CNTN3: variants seen among roughly 807,000 people sequenced by gnomAD.
CNTN3 encodes contactin 3.
Under a neutral mutation model 119.1 loss-of-function variants are expected in CNTN3, and 60 were observed. That is an observed-to-expected ratio of 0.50 (90% CI 0.41 to 0.62). The LOEUF (loss-of-function observed/expected upper bound fraction) is 0.62, where lower values mean the gene tolerates loss of function less well. Among genes scored for constraint, CNTN3 ranks in the 20% least tolerant of loss-of-function variants. The pLI is 0.00. For synonymous variants in CNTN3, 450 were observed against 438.7 expected (o/e 1.03, Z -0.32); for missense variants, 1,101 against 1,242.4 (o/e 0.89, Z 1.71).
intron 11 of CNTN3, among the ~76,000 whole-genome samples, chr3:74,354,339 T>G (rs1703884826): frequency 6.6e-6 from 1 of 152,184 alleles, no homozygotes; most frequent in East Asian, 1.9e-4. Flanking sequence ...AAATGAAGGA[T>G]CCCATTTAAA....
chr3:74,463,833 T>TA (rs1188823705), intron 4 of CNTN3, among the ~76,000 whole-genome samples: 1 of 152,200 alleles, frequency 6.6e-6, no homozygotes, highest in Non-Finnish European at 1.5e-5. Flanking sequence ...CCAGCAGCTT[T>TA]AAATCAATTC....
chr3:74,333,288 G>A (rs1703310128), intron 13 of CNTN3, among the ~76,000 whole-genome samples: 1 of 152,204 alleles, frequency 6.6e-6, no homozygotes, highest in Admixed American at 6.5e-5. Context: ...CCGTAAGGCA[G>A]TACCAAAAAC....
intron 1 of CNTN3, among the ~76,000 whole-genome samples, chr3:74,535,367 G>A (rs1442727691): frequency 6.6e-6 from 1 of 152,096 alleles, no homozygotes; most frequent in African/African-American, 2.4e-5. Flanking sequence ...ATCAACTTCA[G>A]CTGAGGAAAG....
intron 8 of CNTN3, among the ~76,000 whole-genome samples, chr3:74,367,133 A>C (rs909022957): frequency 6.6e-6 from 1 of 151,950 alleles, no homozygotes; most frequent in Admixed American, 6.6e-5. Flanking sequence ...TTTTACATGA[A>C]ATATTAGAGC....
intron 4 of CNTN3, among the ~76,000 whole-genome samples, chr3:74,448,719 C>T (rs1702092526): frequency 6.6e-6 from 1 of 152,080 alleles, no homozygotes; most frequent in South Asian, 2.1e-4. Context: ...AGTATCAGCT[C>T]AAACAAAAAG....
At chr3:74,523,402 A>G (rs1248218610) in intron 1 of CNTN3, among the ~76,000 whole-genome samples, 1 of 151,920 alleles carries the variant, frequency 6.6e-6, no homozygotes. Flanking sequence ...AGATACATTA[A>G]TCTGATACAT....
At chr3:74,520,604 T>TA (rs577450677) in intron 2 of CNTN3, among the ~76,000 whole-genome samples, 1 of 151,418 alleles carries the variant, frequency 6.6e-6, no homozygotes, top group Non-Finnish European at 1.5e-5. Flanking sequence ...TTTCCAAAAT[T>TA]AAAAAATAAA....
At chr3:74,345,281 AC>A (rs765745466) in intron 11 of CNTN3, among the ~76,000 whole-genome samples, 1 of 152,146 alleles carries the variant, frequency 6.6e-6, no homozygotes, top group Non-Finnish European at 1.5e-5. Flanking sequence ...TTTATCACCA[AC>A]TAGTCAAGCG....
intron 3 of CNTN3, among the ~76,000 whole-genome samples, chr3:74,497,187 G>A (rs1217139233): frequency 1.3e-5 from 2 of 151,586 alleles, no homozygotes; most frequent in Non-Finnish European, 2.9e-5. Flanking sequence ...TTATGTCCTC[G>A]ATGTCATTAT....
chr3:74,601,036 A>G (rs1247513632), intron 1 of CNTN3, among the ~76,000 whole-genome samples: 1 of 150,386 alleles, frequency 6.6e-6, no homozygotes, highest in African/African-American at 2.4e-5. Context: ...AAACATATGT[A>G]TATCATATAT....
In CNTN3 at chr3:74,410,843, C is replaced by G. The variant is rs967682615; in HGVS notation, c.454+14002G>C. 2.6e-5 allele frequency among the ~76,000 whole-genome samples: 4 copies of G among 152,174 alleles called. No individual in the cohort carries two copies. In the East Asian group the frequency reaches 7.7e-4, roughly 29 times the overall value. ...ACATAATTAACTGAATTTACAAATG[C>G]CAGAAGTACATTAACTAGTGAAAGC... On this transcript the variant is annotated intron_variant, in intron 5 of 22. Transcript: ENST00000263665.
At chr3:74,365,496 C>A in intron 9 of CNTN3, 70 bp downstream of exon 9, 1 of 1,592,224 alleles carries the variant, frequency 6.3e-7, no homozygotes, top group Non-Finnish European at 8.6e-7. Context: ...AAAGCATTTG[C>A]TAAACACCAA....
chr3:74,363,505 G>T (rs1575661423), intron 10 of CNTN3, among the ~76,000 whole-genome samples: 1 of 152,172 alleles, frequency 6.6e-6, no homozygotes, highest in East Asian at 1.9e-4. Context: ...GGGCAAAATT[G>T]TCCCTGGTTG....
At chr3:74,452,594 A>G (rs1208420693) in intron 4 of CNTN3, among the ~76,000 whole-genome samples, 1 of 112,770 alleles carries the variant, frequency 8.9e-6, no homozygotes, top group South Asian at 2.6e-4. Context: ...GTCTTCTGCC[A>G]GTTTTCAAAG....
chr3:74,301,522 C>T lies in CNTN3; in HGVS notation c.1971G>A (p.Thr657=), dbSNP rs111626135. 159 of 1,613,950 alleles carry T rather than the reference C, an allele frequency of 9.9e-5. No individual in the cohort carries two copies. The African/African-American group carries it at 1.3e-3, about 14-fold the overall frequency. ...TTVPEVIDGK[T]HTATVVELNP... ...TTAACTCAACTACAGTGGCTGTGTGCGTCTTCCCATCGATGACCTCAGGCA... is the reference window on the plus strand; with the variant it reads ...TTAACTCAACTACAGTGGCTGTGTGTGTCTTCCCATCGATGACCTCAGGCA... The change falls in exon 16 of 23, where the codon ACG becomes ACA. Residue 657 remains threonine, a synonymous_variant. Transcript: ENST00000263665.
intron 4 of CNTN3, among the ~76,000 whole-genome samples, chr3:74,479,549 G>A (rs62268673): frequency 1.8e-4 from 28 of 152,188 alleles, no homozygotes; most frequent in Non-Finnish European, 3.1e-4. Context: ...GATTGAGTAT[G>A]CCAGCATACT....
At chr3:74,473,026 T>C (rs1702592798) in intron 4 of CNTN3, among the ~76,000 whole-genome samples, 2 of 151,822 alleles carry the variant, frequency 1.3e-5, no homozygotes, top group South Asian at 4.1e-4. Flanking sequence ...TCTCTTTCCA[T>C]GTCTAAATGT....
At chr3:74,273,723 G>C (rs576946876) in intron 20 of CNTN3, among the ~76,000 whole-genome samples, 12 of 152,262 alleles carry the variant, frequency 7.9e-5, no homozygotes, top group African/African-American at 2.9e-4. Flanking sequence ...CCTTCGGGAG[G>C]GTGGCCAGAG....
At chr3:74,323,173 T>C (rs748565340) in intron 13 of CNTN3, among the ~76,000 whole-genome samples, 11 of 152,148 alleles carry the variant, frequency 7.2e-5, no homozygotes, top group Middle Eastern at 3.2e-3. Flanking sequence ...TGTAGGTTCA[T>C]AGATTATAAA....
Sources: gnomAD v4.1 joint callset for allele counts (sites outside exome capture counted in the v4.1 genomes callset) on GRCh38, gnomAD v4.1.1 for gene constraint, MANE v1.5 for transcripts, NCBI Gene and HGNC (gene_info 2026-07-23, HGNC 2026-07-21) for gene names.